The following DLG2 variants were observed in gnomAD, a reference collection of about 807,000 sequenced individuals.
DLG2 encodes the protein disks large homolog 2.
Under a neutral mutation model 132.5 loss-of-function variants are expected in DLG2, and 45 were observed. That is an observed-to-expected ratio of 0.34 (90% CI 0.27 to 0.44). The LOEUF (loss-of-function observed/expected upper bound fraction) is 0.44. Among genes scored for constraint, DLG2 ranks in the 20% least tolerant of loss-of-function variants. The probability of loss-of-function intolerance (pLI) is 1.00; values close to 1 mark genes in which losing one functional copy is unlikely to be tolerated. For synonymous variants in DLG2, 424 were observed against 419.6 expected (o/e 1.01, Z -0.13); for missense variants, 1,045 against 1,196.9 (o/e 0.87, Z 1.87).
At chr11:84,753,141 C>A (rs543138374) in intron 6 of DLG2, among the ~76,000 whole-genome samples, 11 of 152,232 alleles carry the variant, frequency 7.2e-5, no homozygotes, top group African/African-American at 2.4e-4. Flanking sequence ...CAAGAATAAA[C>A]TTGGCTTATT....
intron 21 of DLG2, among the ~76,000 whole-genome samples, chr11:83,524,792 A>G (rs749203181): frequency 5.3e-5 from 8 of 152,160 alleles, no homozygotes; most frequent in Non-Finnish European, 1.2e-4. Context: ...GATTTCTGCC[A>G]ACAACACTCT....
rs184818458 is a variant in DLG2 at position 85,316,920 on chromosome 11, A to G, written c.41-31555T>C. On this transcript the variant is annotated intron_variant, in intron 3 of 27. Transcript: ENST00000376104. Reference sequence around the variant, plus strand: ...GAGACACAAAACTTATCAAATACATACTTAAATAAATCAAAACTGTAGTAA... The same window carrying G: ...GAGACACAAAACTTATCAAATACATGCTTAAATAAATCAAAACTGTAGTAA... 5.4e-5 allele frequency among the ~76,000 whole-genome samples: 8 copies of G among 148,220 alleles called. No individual in the cohort carries two copies. The Admixed American group carries it at 5.5e-4, about 10-fold the overall frequency.
At chr11:85,331,397 C>T (rs552450518) in intron 3 of DLG2, among the ~76,000 whole-genome samples, 1 of 152,168 alleles carries the variant, frequency 6.6e-6, no homozygotes, top group East Asian at 1.9e-4. Context: ...TTTTTGTGTG[C>T]CTTGCCCTTC....
At chr11:84,714,611 T>TTCTCTC (rs1421808259) in intron 6 of DLG2, among the ~76,000 whole-genome samples, 3 of 93,510 alleles carry the variant, frequency 3.2e-5, no homozygotes, top group Admixed American at 1.0e-4. Flanking sequence ...CTCTTTCTCT[T>TTCTCTC]TCTCTTTCTC....
intron 4 of DLG2, among the ~76,000 whole-genome samples, chr11:85,210,322 G>T (rs2152566765): frequency 6.6e-6 from 1 of 152,106 alleles, no homozygotes; most frequent in South Asian, 2.1e-4. Context: ...AGACACACTT[G>T]TCTTCTCCTT....
chr11:84,109,399 A>G (rs1279650234), intron 9 of DLG2, among the ~76,000 whole-genome samples: 1 of 152,196 alleles, frequency 6.6e-6, no homozygotes, highest in Non-Finnish European at 1.5e-5. Context: ...GTGATGCTTT[A>G]CCATGATTAA....
intron 6 of DLG2, among the ~76,000 whole-genome samples, chr11:84,593,267 C>T (rs1245858550): frequency 3.9e-5 from 6 of 152,094 alleles, no homozygotes; most frequent in African/African-American, 1.2e-4. Flanking sequence ...ACCAGAAATA[C>T]CATTTGACCG....
chr11:85,210,437 C>T (rs960544432), intron 4 of DLG2, among the ~76,000 whole-genome samples: 6 of 152,140 alleles, frequency 3.9e-5, no homozygotes, highest in Admixed American at 2.0e-4. Context: ...TTTTTTCCCA[C>T]ATTTTATTCA....
chr11:84,884,023 C>T (rs17147720), intron 6 of DLG2, among the ~76,000 whole-genome samples: 3,751 of 152,152 alleles, frequency 0.025, 177 homozygotes, highest in African/African-American at 0.087. Context: ...TTAACTTCTT[C>T]ATTCTTAATA....
rs367869130 is a variant in DLG2 at position 84,041,687 on chromosome 11, T to C, written c.919+17628A>G. On this transcript the variant is annotated intron_variant, in intron 11 of 27. Transcript: ENST00000376104. ...ATATAGGTCAATTTACCCAATTTCCTTTATAGTTGTACGCTTTCATTTTTA... is the reference window on the plus strand; with the variant it reads ...ATATAGGTCAATTTACCCAATTTCCCTTATAGTTGTACGCTTTCATTTTTA... 1.8e-4 allele frequency among the ~76,000 whole-genome samples: 27 copies of C among 152,126 alleles called. No individual in the cohort carries two copies. In the East Asian group the frequency reaches 4.3e-3, roughly 24 times the overall value.
At position 85,489,966 on chromosome 11, in the gene DLG2, T is replaced by C. The variant is rs955792413; in HGVS notation, c.40+108691A>G. Among the ~76,000 whole-genome samples, 172 of 152,136 alleles carry C rather than the reference T, an allele frequency of 1.1e-3. 11 individuals carry two copies. Among genetic ancestry groups the C allele is most frequent in the Non-Finnish European group, 1.5e-5 (1 of 68,014 alleles). On this transcript the variant is annotated intron_variant, in intron 3 of 27. Transcript: ENST00000376104. The stretch of plus-strand genomic sequence containing the variant: ...ACTTTGGGAGACCAAGCTATAAGGA[T>C]TTTTTGAAGTCAGGAGTTCAAGACT...
intron 18 of DLG2, among the ~76,000 whole-genome samples, chr11:83,731,101 T>C (rs1042424058): frequency 2.0e-5 from 3 of 152,222 alleles, no homozygotes; most frequent in African/African-American, 4.8e-5. Context: ...CTCTGCGTTA[T>C]GTAATTTCCC....
chr11:85,064,516 T>C lies in DLG2; in HGVS notation c.357+47145A>G, dbSNP rs556660163. Among the ~76,000 whole-genome samples, 15 of 151,862 alleles carry C rather than the reference T, an allele frequency of 9.9e-5. No homozygotes were observed. The South Asian group carries it at 2.9e-3, about 29-fold the overall frequency. ...ATAAACAAATCAATCTAATATACAG[T>C]ATAACCTATTTTATCTCCTAATTAT... On this transcript the variant is annotated intron_variant, in intron 6 of 27. Transcript: ENST00000376104.
intron 3 of DLG2, among the ~76,000 whole-genome samples, chr11:85,460,533 C>T (rs2092572978): frequency 6.6e-6 from 1 of 152,128 alleles, no homozygotes; most frequent in Non-Finnish European, 1.5e-5. Context: ...CTCCATTCTC[C>T]ATGGGTCAAG....
intron 4 of DLG2, among the ~76,000 whole-genome samples, chr11:85,157,830 C>T (rs565635263): frequency 6.6e-6 from 1 of 152,306 alleles, no homozygotes; most frequent in Non-Finnish European, 1.5e-5. Context: ...GCTGGGAACA[C>T]TGAGTTTGTA....
intron 4 of DLG2, among the ~76,000 whole-genome samples, chr11:85,178,543 A>C (rs912728110): frequency 6.6e-6 from 1 of 151,986 alleles, no homozygotes; most frequent in African/African-American, 2.4e-5. Flanking sequence ...TCCAATATGA[A>C]TATAATAAAA....
At chr11:85,451,003 C>T (rs962262922) in intron 3 of DLG2, among the ~76,000 whole-genome samples, 3 of 152,098 alleles carry the variant, frequency 2.0e-5, no homozygotes, top group African/African-American at 7.2e-5. Flanking sequence ...TTATATTATT[C>T]ACATGCCAAC....
At chr11:85,076,893 A>C (rs1163163980) in intron 6 of DLG2, among the ~76,000 whole-genome samples, 1 of 152,046 alleles carries the variant, frequency 6.6e-6, no homozygotes, top group Non-Finnish European at 1.5e-5. Flanking sequence ...TTTAGCACTG[A>C]AGACACAGAC....
In DLG2 at chr11:83,718,570, T is replaced by C. The variant is rs1346920750; in HGVS notation, c.1825+68120A>G. On this transcript the variant is annotated intron_variant, in intron 18 of 27. Transcript: ENST00000376104. ...AAAAAAAGAAAGAAAAAAAGAAATA[T>C]CCCATGTTATGGAAACAATCAGCAG... is the stretch of plus-strand genomic sequence containing the variant. 2.2e-5 allele frequency among the ~76,000 whole-genome samples: 3 copies of C among 135,506 alleles called. No homozygotes were observed. The East Asian group carries it at 6.3e-4, about 29-fold the overall frequency. The allele number at this position is 135,506 out of a possible 152,430, so 88.9% of individuals were successfully genotyped here. A position where few individuals can be genotyped will look rare whatever the true frequency, so the allele number is the denominator to read the frequency against.
Sources: allele counts gnomAD v4.1 joint callset (sites outside exome capture counted in the v4.1 genomes callset), GRCh38; gene constraint gnomAD v4.1.1; transcripts MANE v1.5; gene names NCBI Gene and HGNC (gene_info 2026-07-23, HGNC 2026-07-21).